SLC25A41: variants seen among roughly 807,000 people sequenced by gnomAD.
The protein encoded by SLC25A41 is solute carrier family 25 member 41, also known as mitochondrial carrier protein SCaMC-3L.
SLC25A41 carries 35 observed loss-of-function variants against 34.7 expected under a neutral mutation model. The observed-to-expected ratio is 1.01, with a 90% confidence interval of 0.77 to 1.34. SLC25A41 has a LOEUF of 1.34. SLC25A41 is among the 40% of genes most tolerant of loss of function. The probability of loss-of-function intolerance (pLI) is 0.00; values close to 1 mark genes in which losing one functional copy is unlikely to be tolerated. For missense variants in SLC25A41, 492 were observed against 489.8 expected, an observed-to-expected ratio of 1.00 and a Z score of -0.04; for synonymous variants, 190 against 209.9, an observed-to-expected ratio of 0.91 and a Z score of 0.82.
Position 6,427,822 on chromosome 19 carries a change from A to G in SLC25A41, c.625-321T>C, listed in dbSNP as rs1267426488. Among the ~76,000 whole-genome samples the G allele has an allele frequency of 6.6e-6, 1 of 152,150 alleles. No individual in the cohort carries two copies. Among genetic ancestry groups the G allele is most frequent in the Non-Finnish European group, 1.5e-5 (1 of 68,036 alleles). The stretch of plus-strand genomic sequence containing the variant: ...GGCAACATAGCGAGACCCCATCTTT[A>G]CAAAAAAATCAATAAAATAAAAATA... On this transcript the variant is annotated intron_variant, in intron 4 of 6. Coordinates refer to ENST00000321510, the MANE Select transcript of SLC25A41 (RefSeq NM_173637.4). The surrounding 1 kb of genome is among the most constrained non-coding windows in gnomAD (Gnocchi z 4.9).
At chr19:6,435,871 A>C (rs974478638), upstream of SLC25A41, among the ~76,000 whole-genome samples, 1 of 151,976 alleles carries the variant, frequency 6.6e-6, no homozygotes, top group Non-Finnish European at 1.5e-5. Flanking sequence ...AAACAAAAAA[A>C]GTAGTCAGGC....
intron 2 of SLC25A41, among the ~76,000 whole-genome samples, chr19:6,431,559 C>A (rs2092285637): frequency 6.6e-6 from 1 of 152,038 alleles, no homozygotes; most frequent in Admixed American, 6.6e-5. Context: ...CCTGCCTCAG[C>A]CTCCTATGTA....
chr19:6,432,171 C>A lies in SLC25A41; in HGVS notation c.241G>T (p.Val81Leu). The change falls in exon 2 of 7, where the codon GTG (valine) becomes TTG (leucine). Residue 81 changes from valine (V) to leucine (L), a missense_variant. Transcript: ENST00000321510. ...LDTGEQLMVP[V>L]EVLEVDNKEA... is the part of the protein sequence containing the mutation. ...TTGTTATCCACTTCCAGGACTTCCA[C>A]GGGGACCATCAGCTGCTCTCCTGTG... 6.2e-7 allele frequency: 1 copy of A among 1,613,912 alleles called. No individual in the cohort carries two copies. Among genetic ancestry groups the A allele is most frequent in the Non-Finnish European group, 8.5e-7 (1 of 1,179,830 alleles).
At chr19:6,430,234 GC>G in intron 2 of SLC25A41, 73 bp from the exon 3 acceptor site, 1 of 1,475,480 alleles carries the variant, frequency 6.8e-7, no homozygotes, top group Non-Finnish European at 9.0e-7. Context: ...CCCAAGCGCA[GC>G]CCCACCGGGA....
chr19:6,432,837 T>C (rs1023568996), intron 1 of SLC25A41, among the ~76,000 whole-genome samples: 4 of 150,988 alleles, frequency 2.6e-5, no homozygotes, highest in Non-Finnish European at 4.4e-5. Flanking sequence ...AGCAAATTTT[T>C]GTATTATTTT....
intron 2 of SLC25A41, chr19:6,430,574 G>A (rs546834546): frequency 4.6e-5 from 16 of 350,040 alleles, no homozygotes; most frequent in South Asian, 2.6e-4. Flanking sequence ...TGCAACCTCC[G>A]CCTCCCAGGT....
rs777534127 is a variant in SLC25A41, at chr19:6,433,513, T to C, written c.181A>G (p.Asn61Asp). The C allele has an allele frequency of 1.3e-5, 21 of 1,612,654 alleles. No homozygotes were observed. Among genetic ancestry groups the C allele is most frequent in the African/African-American group, 4.0e-5 (3 of 74,708 alleles). ...GYAFGHMHDN[N>D]LEHLPSQQVL... is the part of the protein sequence containing the mutation. ...TGCTGTGACGGGAGATGTTCAAGGT[T>C]GTTGTCATGCATGTGGCCAAACGCG... The change falls in exon 1 of 7, where the codon AAC becomes GAC. Residue 61 changes from asparagine to aspartate, a missense_variant. By Grantham distance (23) the Asn-to-Asp change is conservative (BLOSUM62 1). Transcript: ENST00000321510.
In SLC25A41 at chr19:6,427,148, C is replaced by A; in HGVS notation, c.895G>T (p.Ala299Ser). The stretch of plus-strand genomic sequence containing the variant: ...CGCACCAGAGTCAGTGGGTAGCTGG[C>A]CATCTGGCCACAGGTCGTGGATAGC... Reference protein sequence around the residue: ...VTLSTTCGQMASYPLTLVRTR... With the variant: ...VTLSTTCGQMSSYPLTLVRTR... The change falls in exon 6 of 7, where the codon GCC becomes TCC. Residue 299 changes from alanine to serine, a missense_variant. Ala to Ser is a moderately conservative substitution (Grantham distance 99). Coordinates refer to ENST00000321510, the MANE Select transcript of SLC25A41 (RefSeq NM_173637.4). This position sits in a 1 kb window ranked among gnomAD's most constrained non-coding sequence, Gnocchi z 4.9. 6.2e-7 allele frequency: 1 copy of A among 1,610,092 alleles called. No individual in the cohort carries two copies. The highest frequency in any genetic ancestry group is 8.5e-7 in the Non-Finnish European group (1 of 1,178,742).
At chr19:6,435,223 CAAAAAAAAAAAAAA>C (rs1442573155), upstream of SLC25A41, among the ~76,000 whole-genome samples, 1 of 52,666 alleles carries the variant, frequency 1.9e-5, no homozygotes, top group East Asian at 5.9e-4. Context: ...GACCCTGTCT[CAAAAAAAAAAAAAA>C]GAAAAAAAAA....
chr19:6,428,359 T>G (rs1045806428), intron 4 of SLC25A41, among the ~76,000 whole-genome samples: 2 of 145,424 alleles, frequency 1.4e-5, no homozygotes, highest in African/African-American at 5.1e-5. Context: ...TGAGTCAAGA[T>G]CGTGCCACTG....
chr19:6,433,635 C>G lies in SLC25A41; in HGVS notation c.59G>C (p.Arg20Thr), dbSNP rs2092295853. The G allele has an allele frequency of 8.7e-6, 14 of 1,607,368 alleles. No homozygotes were observed. Among genetic ancestry groups the G allele is most frequent in the Non-Finnish European group, 8.5e-6 (10 of 1,175,834 alleles). ...NTCSRIQTLF[R>T]RVKTLLIKAP... ...TTTGATGAGTAAGGTCTTGACCCTC[C>G]TAAACAGTGTCTGGATCCTAGAGCA... Residue 20 changes from arginine to threonine, a missense_variant, in exon 1 of 7, where the codon AGG becomes ACG. Arg to Thr is a moderately conservative substitution (Grantham distance 71). Coordinates refer to ENST00000321510, the MANE Select transcript of SLC25A41 (RefSeq NM_173637.4).
At chr19:6,433,904 G>A, upstream of SLC25A41, 1 of 464,958 alleles carries the variant, frequency 2.2e-6, no homozygotes, top group Non-Finnish European at 3.8e-6. Context: ...CAATAAATAT[G>A]TTATCGTTAT....
At chr19:6,433,953 G>GT (rs1018546321), upstream of SLC25A41, among the ~76,000 whole-genome samples, 3 of 151,404 alleles carry the variant, frequency 2.0e-5, no homozygotes, top group Admixed American at 6.6e-5. Flanking sequence ...TATTATTATC[G>GT]TTTTTTTTGA....
At chr19:6,436,103 A>C (rs2092311005), upstream of SLC25A41, 1 of 218,706 alleles carries the variant, frequency 4.6e-6, no homozygotes, top group African/African-American at 2.2e-5. Flanking sequence ...TATATGTATT[A>C]GCCAGCTGTT....
At chr19:6,430,459 C>G (rs974982053) in intron 2 of SLC25A41, 11 of 483,018 alleles carry the variant, frequency 2.3e-5, no homozygotes, top group Non-Finnish European at 4.1e-5. Context: ...TTTGTTCCCT[C>G]CCTCCCTCCC....
chr19:6,426,793 G>C (rs1263696796), intron 6 of SLC25A41, among the ~76,000 whole-genome samples: 2 of 152,152 alleles, frequency 1.3e-5, no homozygotes, highest in Admixed American at 1.3e-4. Flanking sequence ...TGGGAGTGGG[G>C]ATAGGGTCTC....
Position 6,429,906 on chromosome 19 carries a change from G to C in SLC25A41, c.517-75C>G, listed in dbSNP as rs1599257393. ...CAAAACCCGCGCAGGGAAGAGGCCT[G>C]GGGTCTGGAGGGTGAGTGTGTGCTT... On this transcript the variant is annotated intron_variant, in intron 3 of 6. Transcript: ENST00000321510. The C allele has an allele frequency of 4.4e-6, 7 of 1,586,986 alleles. No homozygotes were observed. The East Asian group carries it at 1.6e-4, about 36-fold the overall frequency.
chr19:6,429,832 C>T lies in SLC25A41; in HGVS notation c.517-1G>A, dbSNP rs1381352280. 1.2e-6 allele frequency: 2 copies of T among 1,610,386 alleles called. No homozygotes were observed. Among genetic ancestry groups the T allele is most frequent in the South Asian group, 2.2e-5 (2 of 90,840 alleles). On this transcript the variant is annotated splice_acceptor_variant, in intron 3 of 6. Transcript: ENST00000321510. LOFTEE classifies it high-confidence loss of function. ...GTATTCCACAGAAGTAATTCTTGCA[C>T]TGGGAGAGGAGAGAGGAGGGTGAGA...
chr19:6,426,700 G>T, intron 6 of SLC25A41, 139 bp from the exon 7 acceptor site: 1 of 851,990 alleles, frequency 1.2e-6, no homozygotes, highest in East Asian at 2.5e-5. Context: ...GAGTCTTAGA[G>T]GAAATTGGTC....
Sources: gnomAD v4.1 joint callset for allele counts (sites outside exome capture counted in the v4.1 genomes callset) on GRCh38, gnomAD v4.1.1 for gene constraint, Gnocchi (gnomAD v3.1) non-coding constraint, MANE v1.5 for transcripts, NCBI Gene and HGNC (gene_info 2026-07-23, HGNC 2026-07-21) for gene names.